SBNO1: variants seen among roughly 807,000 people sequenced by gnomAD.
SBNO1 encodes the protein protein strawberry notch homolog 1.
A neutral mutation model predicts 173.6 loss-of-function variants in SBNO1; 23 were observed. That is an observed-to-expected ratio of 0.13 (90% confidence interval 0.10 to 0.19). SBNO1 has a LOEUF of 0.19. Among genes scored for constraint, SBNO1 ranks in the 10% least tolerant of loss-of-function variants. SBNO1 has a pLI of 1.00. For synonymous variants in SBNO1, 632 were observed against 571.5 expected, an observed-to-expected ratio of 1.11 and a Z score of -1.51; for missense variants, 1,238 against 1,671.2, an observed-to-expected ratio of 0.74 and a Z score of 4.52.
chr12:123,354,006 G>A (rs1290476156), intron 1 of SBNO1, among the ~76,000 whole-genome samples: 4 of 152,268 alleles, frequency 2.6e-5, no homozygotes, highest in Middle Eastern at 3.4e-3. Context: ...GTGTAGAGAT[G>A]CCATTAATCA....
In SBNO1 at chr12:123,343,007, C is replaced by T. The variant is rs552898414; in HGVS notation, c.551-1919G>A. The stretch of plus-strand genomic sequence containing the variant: ...CTGTAATCCCAGAACTTTGGGAGGC[C>T]GAGGTGGGCTGATCACTTGAGGTCA... On this transcript the variant is annotated intron_variant, in intron 4 of 31. Coordinates refer to ENST00000602398, the MANE Select transcript of SBNO1 (RefSeq NM_001167856.3). 7.9e-5 allele frequency among the ~76,000 whole-genome samples: 12 copies of T among 152,186 alleles called. No individual in the cohort carries two copies. In the South Asian group the frequency reaches 1.9e-3, roughly 24 times the overall value.
chr12:123,331,854 T>C (rs536908094), intron 7 of SBNO1, among the ~76,000 whole-genome samples: 1 of 151,670 alleles, frequency 6.6e-6, no homozygotes, highest in South Asian at 2.1e-4. Context: ...GTGGATACTT[T>C]CTTTTTTTTC....
intron 1 of SBNO1, among the ~76,000 whole-genome samples, chr12:123,362,701 A>G (rs1474985134): frequency 7.0e-6 from 1 of 142,134 alleles, no homozygotes; most frequent in East Asian, 2.3e-4. Flanking sequence ...CCCTGAAGGC[A>G]GAGGTTGCAG....
At chr12:123,311,716 C>CTATATATATATATA (rs1168115569) in intron 24 of SBNO1, among the ~76,000 whole-genome samples, 10 of 60,918 alleles carry the variant, frequency 1.6e-4, no homozygotes, top group African/African-American at 4.9e-4. Flanking sequence ...ATCTATCTAT[C>CTATATATATATATA]TATCTATATA....
chr12:123,338,920 C>CAA (rs1872204460), intron 5 of SBNO1, among the ~76,000 whole-genome samples: 1 of 19,216 alleles, frequency 5.2e-5, no homozygotes, highest in African/African-American at 8.5e-5. Flanking sequence ...ACGCCCCCCC[C>CAA]CCCCTCCCCG....
chr12:123,296,292 T>C (rs950427584), intron 31 of SBNO1, among the ~76,000 whole-genome samples: 1 of 139,304 alleles, frequency 7.2e-6, no homozygotes, highest in Non-Finnish European at 1.6e-5. Flanking sequence ...GTTGGAGGAA[T>C]AGGAAGTCAA....
chr12:123,328,286 AGTT>A (rs1434823021), intron 10 of SBNO1, among the ~76,000 whole-genome samples: 2 of 152,226 alleles, frequency 1.3e-5, no homozygotes, highest in East Asian at 1.9e-4. Context: ...TGCAGCAAGA[AGTT>A]GTTATCTGGT....
In SBNO1 at chr12:123,364,560, G is replaced by A. The variant is rs1371578419; in HGVS notation, c.-1+141C>T. ...CCGGAGCGCGCGGCCGCGAGGAGCG[G>A]CAAGCGGCGAGGGAGGCCCCAAGCC... On this transcript the variant is annotated intron_variant, in intron 1 of 31. Transcript: ENST00000602398. The A allele has an allele frequency of 1.4e-5, 14 of 983,940 alleles. No individual in the cohort carries two copies. In the East Asian group the frequency reaches 1.4e-3, roughly 96 times the overall value. The allele number at this position is 983,940 out of a possible 1,614,324, so 61.0% of individuals were successfully genotyped here.
intron 7 of SBNO1, among the ~76,000 whole-genome samples, chr12:123,332,425 A>G (rs1286851472): frequency 6.6e-6 from 1 of 150,828 alleles, no homozygotes; most frequent in African/African-American, 2.4e-5. Flanking sequence ...CCGAGTAGCT[A>G]GGATTACAGG....
Position 123,311,078 on chromosome 12 carries a change from G to A in SBNO1, c.3272C>T (p.Ser1091Leu), listed in dbSNP as rs376909028. 111 of 1,612,888 alleles carry A rather than the reference G, an allele frequency of 6.9e-5. No homozygotes were observed. The highest frequency in any genetic ancestry group is 8.9e-5 in the Non-Finnish European group (105 of 1,179,184). Residue 1091 changes from serine (S) to leucine (L), a missense_variant, in exon 25 of 32, where the codon TCG (serine) becomes TTG (leucine). Physicochemically the swap from Ser to Leu is moderately radical, Grantham distance 145 (BLOSUM62 -2). This residue lies in a region of SBNO1 where 351 missense variants were observed against 420.3 expected (regional missense o/e 0.84). Coordinates refer to ENST00000602398, the MANE Select transcript of SBNO1 (RefSeq NM_001167856.3). ...GVGLINVEDR[S>L]GILTLDKDYN... ...ACCTTTATCGAGAGTAAGAATTCCCGAGCGATCTTCTACATTTATCAGGCC... is the reference window on the plus strand; with the variant it reads ...ACCTTTATCGAGAGTAAGAATTCCCAAGCGATCTTCTACATTTATCAGGCC...
chr12:123,364,024 C>T (rs1875755200), intron 1 of SBNO1: 1 of 985,402 alleles, frequency 1.0e-6, no homozygotes, highest in Non-Finnish European at 1.2e-6. Context: ...AAATCCCCAA[C>T]TGCCGTTCCC....
rs556614144 is a variant in SBNO1 at position 123,311,822 on chromosome 12, G to C, written c.3221-693C>G. Among the ~76,000 whole-genome samples, 14 of 150,740 alleles carry C rather than the reference G, an allele frequency of 9.3e-5. No individual in the cohort carries two copies. In the East Asian group the frequency reaches 2.7e-3, roughly 29 times the overall value. On this transcript the variant is annotated intron_variant, in intron 24 of 31. Transcript: ENST00000602398. ...ATCATCTTGGTTCACTGCAACCTCC[G>C]CCTCCCAGGCTCAAGGGATCCTCCC...
At chr12:123,312,423 T>G (rs1413072534) in intron 24 of SBNO1, among the ~76,000 whole-genome samples, 1 of 152,138 alleles carries the variant, frequency 6.6e-6, no homozygotes. Flanking sequence ...TGAAAAATGC[T>G]AACTCCATCT....
intron 14 of SBNO1, 24 bp downstream of exon 14, chr12:123,326,128 C>CT: frequency 6.5e-7 from 1 of 1,543,478 alleles, no homozygotes; most frequent in Non-Finnish European, 8.8e-7. Flanking sequence ...CCCAAACAAT[C>CT]TCTTAATGAG....
At chr12:123,300,980 C>A (rs867477034) in intron 30 of SBNO1, among the ~76,000 whole-genome samples, 6,810 of 139,960 alleles carry the variant, frequency 0.049, 278 homozygotes, top group East Asian at 0.26. Context: ...CAAAAAAAAA[C>A]AAAAAAAAAA....
intron 1 of SBNO1, among the ~76,000 whole-genome samples, chr12:123,352,721 G>C (rs1180693405): frequency 2.6e-5 from 4 of 152,242 alleles, no homozygotes; most frequent in Non-Finnish European, 4.4e-5. Context: ...ACATGAGTGA[G>C]TCTAAGGTGA....
intron 1 of SBNO1, among the ~76,000 whole-genome samples, chr12:123,356,471 T>C (rs557097850): frequency 6.6e-6 from 1 of 152,366 alleles, no homozygotes; most frequent in Non-Finnish European, 1.5e-5. Context: ...AGTCTTGTTC[T>C]GTCACCCAAG....
chr12:123,309,051 C>T (rs990787827), intron 28 of SBNO1, among the ~76,000 whole-genome samples: 1 of 151,432 alleles, frequency 6.6e-6, no homozygotes, highest in Non-Finnish European at 1.5e-5. Context: ...GCCTGGGCAA[C>T]AAAGAGCGAA....
chr12:123,362,851 G>A (rs1875522659), intron 1 of SBNO1, among the ~76,000 whole-genome samples: 1 of 151,346 alleles, frequency 6.6e-6, no homozygotes, highest in East Asian at 1.9e-4. Flanking sequence ...TTCGGGAAGC[G>A]GAGGCCAGAA....
Sources: gnomAD v4.1 joint callset for allele counts (sites outside exome capture counted in the v4.1 genomes callset) on GRCh38, gnomAD v4.1.1 for gene constraint, gnomAD v4.1.1 regional missense constraint, MANE v1.5 for transcripts, NCBI Gene and HGNC (gene_info 2026-07-23, HGNC 2026-07-21) for gene names.